Variants in TEX11 observed in about 807,000 individuals in gnomAD.
The protein encoded by TEX11 is testis expressed 11.
TEX11 carries 7 observed loss-of-function variants against 84.4 expected under a neutral mutation model. The ratio of observed to expected loss-of-function variants is 0.08; its 90% CI spans 0.05 to 0.16. The LOEUF is 0.16. Among genes scored for constraint, TEX11 ranks in the 10% least tolerant of loss-of-function variants. TEX11 has a pLI of 1.00. For missense variants in TEX11, 551 were observed against 660.5 expected (o/e 0.83, Z 1.82); for synonymous variants, 264 against 222.8 (o/e 1.18, Z -1.64).
chrX:70,770,795 A>G (rs2090967744), intron 9 of TEX11, among the ~76,000 whole-genome samples: 1 of 111,337 alleles, frequency 9.0e-6, no homozygotes, highest in Non-Finnish European at 1.9e-5. Context: ...AAGCAACAGT[A>G]TATTTTTTGC....
In TEX11 at chrX:70,579,526, A is replaced by AC. The variant is rs753008843; in HGVS notation, c.2140+12224_2140+12225insG. 5.9e-3 allele frequency among the ~76,000 whole-genome samples: 179 copies of AC among 30,189 alleles called. 2 individuals carry two copies. Among genetic ancestry groups the AC allele is most frequent in the Non-Finnish European group, 0.01 (86 of 8,258 alleles). The allele number at this position is 30,189 out of a possible 115,157, so 26.2% of individuals were successfully genotyped here. A position where few individuals can be genotyped will look rare whatever the true frequency, so the allele number is the denominator to read the frequency against. ...ACAAAAAAACAAAAAAAACAAAAAAAAAAAAAAACAAAAAAGAAACTGAAG... is the reference window on the plus strand; with the variant it reads ...ACAAAAAAACAAAAAAAACAAAAAAACAAAAAAAACAAAAAAGAAACTGAAG... On this transcript the variant is annotated intron_variant, in intron 25 of 29. Transcript: ENST00000374333.
At chrX:70,637,969 A>T (rs1162722967) in intron 17 of TEX11, among the ~76,000 whole-genome samples, 1 of 106,564 alleles carries the variant, frequency 9.4e-6, no homozygotes, top group Non-Finnish European at 2.0e-5. Flanking sequence ...CTTCCTCAAT[A>T]AAAAAAAAAG....
intron 2 of TEX11, among the ~76,000 whole-genome samples, chrX:70,898,887 G>A (rs1020024380): frequency 2.7e-5 from 3 of 111,791 alleles, no homozygotes; most frequent in African/African-American, 9.7e-5. Context: ...TTACAGGCGT[G>A]AGCCACGGCA....
At chrX:70,871,913 T>G (rs1352676218) in intron 4 of TEX11, among the ~76,000 whole-genome samples, 1 of 104,520 alleles carries the variant, frequency 9.6e-6, no homozygotes, top group Non-Finnish European at 2.0e-5. Flanking sequence ...CTCTTTTCTC[T>G]TCCCTAGCTC....
intron 28 of TEX11, among the ~76,000 whole-genome samples, chrX:70,547,027 C>CAAAAAAAAAAAAAAAAAA (rs58220663): frequency 5.9e-5 from 2 of 33,895 alleles, no homozygotes; most frequent in African/African-American, 1.3e-4. Context: ...TATTATTCAG[C>CAAAAAAAAAAAAAAAAAA]AAAAAAAAAA....
chrX:70,674,601 C>T (rs1286814091), intron 15 of TEX11, among the ~76,000 whole-genome samples: 1 of 112,061 alleles, frequency 8.9e-6, no homozygotes, highest in Non-Finnish European at 1.9e-5. Flanking sequence ...TGGCTATTTT[C>T]ATTCCATTGT....
chrX:70,666,879 G>T (rs992389376), intron 16 of TEX11, among the ~76,000 whole-genome samples: 4 of 111,071 alleles, frequency 3.6e-5, no homozygotes, highest in African/African-American at 6.6e-5. Context: ...TCTCAGTGAG[G>T]ACTTCCCTGA....
chrX:70,707,905 A>G (rs2090390819), intron 13 of TEX11, among the ~76,000 whole-genome samples: 1 of 111,098 alleles, frequency 9.0e-6, no homozygotes, highest in Admixed American at 9.7e-5. Flanking sequence ...AGCAATTGCA[A>G]CAAAACCAAA....
intron 26 of TEX11, among the ~76,000 whole-genome samples, chrX:70,554,307 A>C (rs961315815): frequency 1.8e-5 from 2 of 111,951 alleles, no homozygotes; most frequent in African/African-American, 3.2e-5. Flanking sequence ...AAACTTTCTA[A>C]AGTTTGAGCT....
At chrX:70,643,374 C>A (rs1255881630) in intron 17 of TEX11, among the ~76,000 whole-genome samples, 1 of 91,424 alleles carries the variant, frequency 1.1e-5, no homozygotes, top group Non-Finnish European at 2.2e-5. Context: ...CAATGCCATC[C>A]CCATCAAGCT....
intron 28 of TEX11, among the ~76,000 whole-genome samples, chrX:70,535,595 A>C (rs998352735): frequency 7.2e-5 from 8 of 110,625 alleles, no homozygotes; most frequent in Non-Finnish European, 1.1e-4. Context: ...AAACATACAA[A>C]AAATTAGCTG....
At position 70,532,840 on chromosome X, in the gene TEX11, C is replaced by T. The variant is rs185136903; in HGVS notation, c.2521-2841G>A. On this transcript the variant is annotated intron_variant, in intron 28 of 29. Transcript: ENST00000374333. ...GATCACGAGGTCAGGAGATCAAGAACATCTTGGCTAACATGGTGAAATCCT... is the reference window on the plus strand; with the variant it reads ...GATCACGAGGTCAGGAGATCAAGAATATCTTGGCTAACATGGTGAAATCCT... 7.2e-5 allele frequency among the ~76,000 whole-genome samples: 8 copies of T among 111,148 alleles called. No homozygotes were observed. The Admixed American group carries it at 7.7e-4, about 11-fold the overall frequency.
intron 25 of TEX11, among the ~76,000 whole-genome samples, chrX:70,568,450 G>A (rs1236443392): frequency 9.1e-6 from 1 of 109,605 alleles, no homozygotes; most frequent in Non-Finnish European, 1.9e-5. Flanking sequence ...CTGTCATTAT[G>A]ATGTTAGCTG....
At chrX:70,517,190 G>T in the TEX11 span, among the ~76,000 whole-genome samples, 1 of 111,629 alleles carries the variant, frequency 9.0e-6, no homozygotes, top group East Asian at 2.8e-4. Flanking sequence ...GGGCATCTTT[G>T]TCTGGTGCAG....
Position 70,584,033 on chromosome X carries a change from A to G in TEX11, c.2140+7718T>C, listed in dbSNP as rs972061700. On this transcript the variant is annotated intron_variant, in intron 25 of 29. Coordinates refer to ENST00000374333, the MANE Select transcript of TEX11 (RefSeq NM_031276.3). ...GGTGGCTCACGCCTGTAATCCCAGCACTTTGGGAGGCCGAGGCGGGTGGAT... is the reference window on the plus strand; with the variant it reads ...GGTGGCTCACGCCTGTAATCCCAGCGCTTTGGGAGGCCGAGGCGGGTGGAT... 2.7e-5 allele frequency among the ~76,000 whole-genome samples: 3 copies of G among 109,407 alleles called. No homozygotes were observed. The East Asian group carries it at 8.6e-4, about 31-fold the overall frequency.
chrX:70,799,844 T>C (rs752383763), intron 9 of TEX11, among the ~76,000 whole-genome samples: 1 of 112,213 alleles, frequency 8.9e-6, no homozygotes, highest in East Asian at 2.8e-4. Flanking sequence ...CAGATTTGTA[T>C]AAGCAGAACA....
At chrX:70,747,472 T>C (rs2090776040) in intron 9 of TEX11, among the ~76,000 whole-genome samples, 1 of 112,392 alleles carries the variant, frequency 8.9e-6, no homozygotes, top group Non-Finnish European at 1.9e-5. Flanking sequence ...GGAGAAACTG[T>C]ATCTAGACTT....
At chrX:70,572,000 C>T in intron 25 of TEX11, among the ~76,000 whole-genome samples, 1 of 111,233 alleles carries the variant, frequency 9.0e-6, no homozygotes, top group Non-Finnish European at 1.9e-5. Flanking sequence ...CCAAAATTGA[C>T]AAATGGGATC....
At position 70,757,609 on chromosome X, in the gene TEX11, C is replaced by T. The variant is rs974025899; in HGVS notation, c.693-13390G>A. Among the ~76,000 whole-genome samples the T allele has an allele frequency of 2.2e-4, 25 of 111,823 alleles. 1 individual carries two copies. Among genetic ancestry groups the T allele is most frequent in the African/African-American group, 7.5e-4 (23 of 30,751 alleles). ...CACCACCAGGCCTGTCTTATAAGAG[C>T]TCCTGAAGGAAGCACTAAACATGGA... is the stretch of plus-strand genomic sequence containing the variant. On this transcript the variant is annotated intron_variant, in intron 9 of 29. Transcript: ENST00000374333.
Sources: gnomAD v4.1 joint callset for allele counts (sites outside exome capture counted in the v4.1 genomes callset) on GRCh38, gnomAD v4.1.1 for gene constraint, MANE v1.5 for transcripts, NCBI Gene and HGNC (gene_info 2026-07-23, HGNC 2026-07-21) for gene names.